The following SEC24B variants were observed in gnomAD, a reference collection of about 807,000 sequenced individuals.
SEC24B encodes the protein protein transport protein Sec24B.
Under a neutral mutation model 142.8 loss-of-function variants are expected in SEC24B, and 45 were observed. The observed-to-expected ratio is 0.32, with a 90% CI of 0.25 to 0.40. The LOEUF is 0.40. Among genes scored for constraint, SEC24B ranks in the 10% least tolerant of loss-of-function variants. SEC24B has a pLI of 1.00. For synonymous variants in SEC24B, 574 were observed against 568.2 expected, an observed-to-expected ratio of 1.01 and a Z score of -0.15; for missense variants, 1,409 against 1,526.8, an observed-to-expected ratio of 0.92 and a Z score of 1.29.
intron 8 of SEC24B, among the ~76,000 whole-genome samples, chr4:109,510,899 G>A (rs1737247848): frequency 6.6e-6 from 1 of 151,890 alleles, no homozygotes; most frequent in South Asian, 2.1e-4. Flanking sequence ...TACCTGTCAC[G>A]TTGGAAGCTG....
At chr4:109,539,070 G>A (rs1005520858) in intron 23 of SEC24B, among the ~76,000 whole-genome samples, 9 of 151,492 alleles carry the variant, frequency 5.9e-5, no homozygotes, top group African/African-American at 2.2e-4. Flanking sequence ...CAAGCGATTC[G>A]CCTGCCTCAG....
intron 5 of SEC24B, among the ~76,000 whole-genome samples, chr4:109,493,790 T>G (rs980113319): frequency 1.5e-4 from 23 of 151,798 alleles, no homozygotes; most frequent in Non-Finnish European, 1.6e-4. Flanking sequence ...AGAGACGGGG[T>G]TTTACCATGT....
Position 109,451,434 on chromosome 4 carries a change from A to G in SEC24B, c.134-11467A>G, listed in dbSNP as rs937532405. Among the ~76,000 whole-genome samples, 27 of 151,546 alleles carry G rather than the reference A, an allele frequency of 1.8e-4. No individual in the cohort carries two copies. The East Asian group carries it at 2.3e-3, about 13-fold the overall frequency. ...GGTCTCAACCTCCTGCCCTCAAGCA[A>G]TCCTCCTACCTTGACTCCCAAAGTG... On this transcript the variant is annotated intron_variant, in intron 1 of 23. Coordinates refer to ENST00000265175, the MANE Select transcript of SEC24B (RefSeq NM_006323.5).
chr4:109,472,085 G>C (rs973743565), intron 2 of SEC24B, among the ~76,000 whole-genome samples: 5 of 152,042 alleles, frequency 3.3e-5, no homozygotes, highest in African/African-American at 1.2e-4. Flanking sequence ...TTTTTACACT[G>C]TTAGGACATA....
At position 109,516,577 on chromosome 4, in the gene SEC24B, A is replaced by G; in HGVS notation, c.2063A>G (p.His688Arg). The G allele has an allele frequency of 6.2e-7, 1 of 1,613,312 alleles. No individual in the cohort carries two copies. The highest frequency in any genetic ancestry group is 8.5e-7 in the Non-Finnish European group (1 of 1,179,520). ...AVYLFVLDVSHNAVEAGYLTI... is the reference protein window; with the variant it reads ...AVYLFVLDVSRNAVEAGYLTI... Reference sequence around the variant, plus strand: ...TACTTGTTTGTTTTAGATGTGTCTCATAATGCAGTGGAAGCTGGATATTTG... The same window carrying G: ...TACTTGTTTGTTTTAGATGTGTCTCGTAATGCAGTGGAAGCTGGATATTTG... Residue 688 changes from histidine to arginine, a missense_variant, in exon 11 of 24, where the codon CAT (histidine) becomes CGT (arginine). Coordinates refer to ENST00000265175, the MANE Select transcript of SEC24B (RefSeq NM_006323.5).
chr4:109,490,442 G>T (rs564496268), intron 4 of SEC24B, among the ~76,000 whole-genome samples: 8 of 151,900 alleles, frequency 5.3e-5, no homozygotes, highest in Non-Finnish European at 1.0e-4. Context: ...TAATAGCAAG[G>T]GATAACCTCT....
chr4:109,504,391 AT>A (rs1320734328), intron 6 of SEC24B, among the ~76,000 whole-genome samples: 1 of 152,088 alleles, frequency 6.6e-6, no homozygotes, highest in Non-Finnish European at 1.5e-5. Flanking sequence ...TCTTGTTTTA[AT>A]TTAAAACAAG....
chr4:109,434,560 CAA>C (rs1330129640), intron 1 of SEC24B, among the ~76,000 whole-genome samples: 1 of 152,184 alleles, frequency 6.6e-6, no homozygotes, highest in Non-Finnish European at 1.5e-5. Flanking sequence ...AGTTTGCACT[CAA>C]GTTTGTAGAC....
intron 3 of SEC24B, among the ~76,000 whole-genome samples, chr4:109,478,271 G>A (rs1177665077): frequency 6.7e-6 from 1 of 149,576 alleles, no homozygotes; most frequent in African/African-American, 2.5e-5. Context: ...GGGTGACAGA[G>A]TGAGACTCTG....
At chr4:109,446,273 G>A (rs1045571193) in intron 1 of SEC24B, among the ~76,000 whole-genome samples, 2 of 152,196 alleles carry the variant, frequency 1.3e-5, no homozygotes, top group African/African-American at 4.8e-5. Flanking sequence ...AGCCAGCAGC[G>A]AAGGAAATGT....
At chr4:109,482,979 T>TATATATATATATATATATATACAC (rs781527364) in intron 4 of SEC24B, among the ~76,000 whole-genome samples, 1 of 26,406 alleles carries the variant, frequency 3.8e-5, no homozygotes, top group Non-Finnish European at 7.5e-5. Flanking sequence ...TATATATATA[T>TATATATATATATATATATATACAC]ACACACACAC....
Position 109,531,457 on chromosome 4 carries a change from C to A in SEC24B, c.3325C>A (p.Pro1109Thr), listed in dbSNP as rs1365565349. 6.2e-7 allele frequency: 1 copy of A among 1,610,716 alleles called. No homozygotes were observed. Among genetic ancestry groups the A allele is most frequent in the South Asian group, 1.1e-5 (1 of 90,998 alleles). The change falls in exon 20 of 24, where the codon CCA (proline) becomes ACA (threonine). Residue 1109 changes from proline (P) to threonine (T), a missense_variant. By Grantham distance (38) the Pro-to-Thr change is conservative. Around this residue, in one of 2 missense-constraint regions of SEC24B, gnomAD observed 700 missense variants for 853.3 expected, o/e 0.82. Transcript: ENST00000265175. Reference protein sequence around the residue: ...VYAMCQIKSQPLVHLMKMIHP... With the variant: ...VYAMCQIKSQTLVHLMKMIHP... ...TGCCATGTGTCAGATAAAGTCTCAG[C>A]CACTTGTTCATCTAATGAAAATGAT...
At chr4:109,470,858 T>C (rs1419671968) in intron 2 of SEC24B, among the ~76,000 whole-genome samples, 1 of 152,212 alleles carries the variant, frequency 6.6e-6, no homozygotes, top group Admixed American at 6.5e-5. Context: ...ATGTTATTGT[T>C]ATAAAGTTTA....
At chr4:109,483,704 C>A (rs528571931) in intron 4 of SEC24B, among the ~76,000 whole-genome samples, 3 of 152,158 alleles carry the variant, frequency 2.0e-5, no homozygotes, top group African/African-American at 7.2e-5. Context: ...TCATTATATG[C>A]GACTCGGGAT....
intron 14 of SEC24B, among the ~76,000 whole-genome samples, chr4:109,523,983 A>G (rs568839326): frequency 6.6e-6 from 1 of 152,316 alleles, no homozygotes; most frequent in East Asian, 1.9e-4. Context: ...AGCTAATTTT[A>G]AAATAAGTAT....
chr4:109,463,177 C>T lies in SEC24B; in HGVS notation c.410C>T (p.Ala137Val). 6.2e-7 allele frequency: 1 copy of T among 1,614,202 alleles called. No individual in the cohort carries two copies. Among genetic ancestry groups the T allele is most frequent in the Non-Finnish European group, 8.5e-7 (1 of 1,180,036 alleles). Residue 137 changes from alanine (A) to valine (V), a missense_variant, in exon 2 of 24, where the codon GCT (alanine) becomes GTT (valine). Around this residue, in one of 2 missense-constraint regions of SEC24B, gnomAD observed 709 missense variants for 673.5 expected, o/e 1.05. Coordinates refer to ENST00000265175, the MANE Select transcript of SEC24B (RefSeq NM_006323.5). ...TCCACTCTAGGATCTTTCCAAGGTG[C>T]TGCATCGTCAGCATCCCATTTGCAT... ...VGSTLGSFQG[A>V]ASSASHLHTS...
intron 1 of SEC24B, among the ~76,000 whole-genome samples, chr4:109,452,520 A>G (rs897758395): frequency 1.3e-5 from 2 of 152,244 alleles, no homozygotes; most frequent in African/African-American, 4.8e-5. Context: ...GGGTGGCTAT[A>G]CTAGTATGTA....
chr4:109,515,184 TCTGCCTCCCGGGTTCACGACATTCTC>T (rs1443102840), intron 10 of SEC24B, among the ~76,000 whole-genome samples: 5 of 152,130 alleles, frequency 3.3e-5, no homozygotes, highest in Non-Finnish European at 7.4e-5. Flanking sequence ...CACTGCAAGC[TCTGCCTCCCGGGTTCACGACATTCTC>T]CTGCCTCAGC....
chr4:109,491,803 T>C (rs1735047429), intron 5 of SEC24B, among the ~76,000 whole-genome samples: 2 of 152,204 alleles, frequency 1.3e-5, no homozygotes, highest in Admixed American at 6.5e-5. Flanking sequence ...CAATGGCTTC[T>C]GGCTGCTTCT....
Sources: gnomAD v4.1 joint callset for allele counts (sites outside exome capture counted in the v4.1 genomes callset) on GRCh38, gnomAD v4.1.1 for gene constraint, gnomAD v4.1.1 regional missense constraint, MANE v1.5 for transcripts, NCBI Gene and HGNC (gene_info 2026-07-23, HGNC 2026-07-21) for gene names.